The following JADE1 variants were observed in gnomAD, a reference collection of about 807,000 sequenced individuals.
The protein encoded by JADE1 is jade family PHD finger 1, also known as protein Jade-1.
Under a neutral mutation model 81.8 loss-of-function variants are expected in JADE1, and 14 were observed. The ratio of observed to expected loss-of-function variants is 0.17; its 90% CI spans 0.11 to 0.27. The LOEUF is 0.27. JADE1 is among the 10% of genes least tolerant of loss of function. The probability of loss-of-function intolerance (pLI) is 1.00; values close to 1 mark genes in which losing one functional copy is unlikely to be tolerated. For synonymous variants in JADE1, 353 were observed against 391.9 expected (o/e 0.90, Z 1.17); for missense variants, 690 against 1,047.9 (o/e 0.66, Z 4.71).
intron 1 of JADE1, among the ~76,000 whole-genome samples, chr4:128,827,550 T>C (rs571940568): frequency 6.6e-6 from 1 of 152,298 alleles, no homozygotes; most frequent in Non-Finnish European, 1.5e-5. Context: ...AACAGATGCC[T>C]GAGTAAAGCT....
chr4:128,856,099 G>A (rs11098989), intron 7 of JADE1, among the ~76,000 whole-genome samples: 28,965 of 152,146 alleles, frequency 0.19, 3,130 homozygotes, highest in Middle Eastern at 0.29. Context: ...GATTACAAGC[G>A]TGAGCCACTG....
At chr4:128,857,709 A>G (rs1394471511) in intron 8 of JADE1, among the ~76,000 whole-genome samples, 1 of 152,162 alleles carries the variant, frequency 6.6e-6, no homozygotes, top group Non-Finnish European at 1.5e-5. Flanking sequence ...AGGCGGTTGC[A>G]GTTTGTCTCT....
At chr4:128,842,543 A>C (rs1457414177) in intron 2 of JADE1, among the ~76,000 whole-genome samples, 1 of 152,092 alleles carries the variant, frequency 6.6e-6, no homozygotes, top group Non-Finnish European at 1.5e-5. Context: ...CAGGTGGTCC[A>C]CCTGCCTTGG....
At chr4:128,810,813 T>A (rs1726283229) in intron 1 of JADE1, among the ~76,000 whole-genome samples, 1 of 152,084 alleles carries the variant, frequency 6.6e-6, no homozygotes, top group African/African-American at 2.4e-5. Context: ...ATCTTTTACT[T>A]ACAGCGCGAC....
intron 8 of JADE1, among the ~76,000 whole-genome samples, chr4:128,859,980 G>A (rs1400664146): frequency 6.6e-6 from 1 of 152,188 alleles, no homozygotes; most frequent in African/African-American, 2.4e-5. Flanking sequence ...ACCTGAATGG[G>A]AAAACCCAGA....
intron 1 of JADE1, among the ~76,000 whole-genome samples, chr4:128,813,350 C>T (rs1034201909): frequency 6.6e-6 from 1 of 151,110 alleles, no homozygotes. Context: ...TACATGCAAC[C>T]CAGAATTTTT....
chr4:128,871,417 G>A lies in JADE1; in HGVS notation c.1684G>A (p.Val562Ile). 6.2e-7 allele frequency: 1 copy of A among 1,614,156 alleles called. No individual in the cohort carries two copies. The highest frequency in any genetic ancestry group is 8.5e-7 in the Non-Finnish European group (1 of 1,180,000). ...ENMLLFNSPSVGPDAPKIEDL... is the reference protein window; with the variant it reads ...ENMLLFNSPSIGPDAPKIEDL... The stretch of plus-strand genomic sequence containing the variant: ...CATGCTTTTGTTTAACAGTCCTTCT[G>A]TTGGCCCTGATGCTCCCAAGATAGA... Residue 562 changes from valine (V) to isoleucine (I), a missense_variant, in exon 11 of 11, where the codon GTT (valine) becomes ATT (isoleucine). Physicochemically the swap from Val to Ile is conservative, Grantham distance 29 (BLOSUM62 3). This residue lies in a region of JADE1 where 86 missense variants were observed against 95.4 expected (regional missense o/e 0.90). Transcript: ENST00000226319. This position sits in a 1 kb window ranked among gnomAD's most constrained non-coding sequence, Gnocchi z 4.1.
At chr4:128,817,113 C>T (rs1157500157) in intron 1 of JADE1, among the ~76,000 whole-genome samples, 2 of 152,120 alleles carry the variant, frequency 1.3e-5, no homozygotes, top group African/African-American at 2.4e-5. Flanking sequence ...CCTACCTCGG[C>T]CTCCCAAAGT....
intron 1 of JADE1, among the ~76,000 whole-genome samples, chr4:128,826,991 C>G (rs1728136021): frequency 6.6e-6 from 1 of 152,186 alleles, no homozygotes; most frequent in Non-Finnish European, 1.5e-5. Flanking sequence ...ACCACTCTGT[C>G]CTATCTTATC....
At chr4:128,822,216 T>C (rs908849636) in intron 1 of JADE1, among the ~76,000 whole-genome samples, 1 of 152,144 alleles carries the variant, frequency 6.6e-6, no homozygotes, top group Non-Finnish European at 1.5e-5. Context: ...AAATCTTTAC[T>C]ACTGGCCGGG....
chr4:128,842,373 C>T (rs1288052638), intron 2 of JADE1, among the ~76,000 whole-genome samples: 3 of 151,574 alleles, frequency 2.0e-5, no homozygotes, highest in Non-Finnish European at 4.4e-5. Flanking sequence ...AGTCTCGGCT[C>T]ACTTCAGCCT....
chr4:128,838,775 C>T (rs141693838), intron 2 of JADE1, among the ~76,000 whole-genome samples: 148 of 152,170 alleles, frequency 9.7e-4, no homozygotes, highest in African/African-American at 3.4e-3. Context: ...TGGTAGCTTC[C>T]TGACCTCCTG....
At chr4:128,855,971 T>C (rs1730761389) in intron 7 of JADE1, among the ~76,000 whole-genome samples, 174 bp downstream of exon 7, 1 of 152,190 alleles carries the variant, frequency 6.6e-6, no homozygotes, top group African/African-American at 2.4e-5. Context: ...AGGCATGTGC[T>C]ACCAGGCCCA....
At chr4:128,839,157 C>T (rs1241115293) in intron 2 of JADE1, among the ~76,000 whole-genome samples, 1 of 152,184 alleles carries the variant, frequency 6.6e-6, no homozygotes, top group Admixed American at 6.5e-5. Context: ...ACTAACTTAG[C>T]TATGCTCTAT....
At position 128,830,930 on chromosome 4, in the gene JADE1, G is replaced by T. The variant is rs111956695; in HGVS notation, c.-26-803G>T. Among the ~76,000 whole-genome samples, 71 of 152,292 alleles carry T rather than the reference G, an allele frequency of 4.7e-4. 1 individual carries two copies. Among genetic ancestry groups the T allele is most frequent in the African/African-American group, 1.6e-3 (67 of 41,566 alleles). On this transcript the variant is annotated intron_variant, in intron 1 of 10. Transcript: ENST00000226319. ...CAGCTACCTGGGAGGAGTTGGCCAG[G>T]TGCGCTGGGTCTTTGTACAAACTGA...
intron 3 of JADE1, among the ~76,000 whole-genome samples, chr4:128,844,301 C>G (rs1037237844): frequency 2.6e-5 from 4 of 152,134 alleles, no homozygotes; most frequent in Non-Finnish European, 4.4e-5. Flanking sequence ...AGAAGGGGGC[C>G]CAGCAGCACG....
chr4:128,829,204 T>C (rs1272703283), intron 1 of JADE1, among the ~76,000 whole-genome samples: 3 of 151,952 alleles, frequency 2.0e-5, no homozygotes, highest in African/African-American at 7.3e-5. Flanking sequence ...AGGGCTGGAG[T>C]GGGCTTACCC....
chr4:128,842,908 C>G (rs770923152), intron 2 of JADE1, 45 bp from the exon 3 acceptor site: 1 of 1,545,362 alleles, frequency 6.5e-7, no homozygotes, highest in African/African-American at 1.4e-5. Flanking sequence ...ACTCAGTGAC[C>G]CCTGCAATTT....
intron 1 of JADE1, among the ~76,000 whole-genome samples, chr4:128,824,113 A>G (rs1405900315): frequency 6.6e-6 from 1 of 152,184 alleles, no homozygotes. Flanking sequence ...AATTTGAACT[A>G]TGTGAACTTA....
Sources: allele counts gnomAD v4.1 joint callset (sites outside exome capture counted in the v4.1 genomes callset), GRCh38; gene constraint gnomAD v4.1.1; regional missense constraint gnomAD v4.1.1; non-coding constraint Gnocchi (gnomAD v3.1); transcripts MANE v1.5; gene names NCBI Gene and HGNC (gene_info 2026-07-23, HGNC 2026-07-21).